Variants in SF1 observed in about 807,000 individuals in gnomAD.
SF1 encodes branch point-binding protein.
In SF1, 7 loss-of-function variants were observed where a neutral mutation model predicts 62.5. The observed-to-expected ratio is 0.11, with a 90% CI of 0.06 to 0.21. The LOEUF (loss-of-function observed/expected upper bound fraction) is 0.21. Ranked by LOEUF, SF1 falls within the 10% of genes least tolerant of loss-of-function variation. The probability of loss-of-function intolerance (pLI) is 1.00; values close to 1 mark genes in which losing one functional copy is unlikely to be tolerated. For synonymous variants in SF1, 394 were observed against 323.6 expected, an observed-to-expected ratio of 1.22 and a Z score of -2.33; for missense variants, 578 against 884.0, an observed-to-expected ratio of 0.65 and a Z score of 4.39.
Position 64,765,278 on chromosome 11 carries a change from C to T in SF1, c.*540G>A, listed in dbSNP as rs1040587056. On this transcript the variant is annotated 3_prime_UTR_variant, in exon 13 of 13. Transcript: ENST00000377390. ...AGACCGGGGAGAGCATCTCCTTGGA[C>T]GGAGTCTGAAGAAAGGAAAAGATAA... 1.5e-5 allele frequency: 9 copies of T among 581,828 alleles called. No individual in the cohort carries two copies. Among genetic ancestry groups the T allele is most frequent in the South Asian group, 4.6e-5 (2 of 43,258 alleles). The allele number at this position is 581,828 out of a possible 1,614,324, so 36.0% of individuals were successfully genotyped here.
chr11:64,767,701 C>T lies in SF1; in HGVS notation c.1212G>A (p.Leu404=). 1.2e-6 allele frequency: 2 copies of T among 1,611,690 alleles called. No homozygotes were observed. The highest frequency in any genetic ancestry group is 1.7e-6 in the Non-Finnish European group (2 of 1,178,866). Reference sequence around the variant, plus strand: ...TGGGATGTCCACCATGCCCACCTGTCAGGCTGGGTAATGGGTGTGGGAAGC... The same window carrying T: ...TGGGATGTCCACCATGCCCACCTGTTAGGCTGGGTAATGGGTGTGGGAAGC... ...PHSFPHPLPS[L]TGGHGGHPMQ... Residue 404 remains leucine, a synonymous_variant, in exon 10 of 13, where the codon CTG becomes CTA. Coordinates refer to ENST00000377390, the MANE Select transcript of SF1 (RefSeq NM_004630.4).
In SF1 at chr11:64,768,127, G is replaced by T; in HGVS notation, c.1047C>A (p.Pro349=). The change falls in exon 9 of 13, where the codon CCC becomes CCA. Residue 349 remains proline (P), a synonymous_variant. Coordinates refer to ENST00000377390, the MANE Select transcript of SF1 (RefSeq NM_004630.4). ...PLASAPRPAA[P]ANNPPPPSLM... is the part of the protein sequence containing the mutation. Reference sequence around the variant, plus strand: ...TCACCGGTGGAGGTGGGTTGTTGGCGGGAGCAGCAGGACGAGGTGCGCTGG... The same window carrying T: ...TCACCGGTGGAGGTGGGTTGTTGGCTGGAGCAGCAGGACGAGGTGCGCTGG... The T allele has an allele frequency of 1.9e-6, 3 of 1,611,750 alleles. No individual in the cohort carries two copies. The highest frequency in any genetic ancestry group is 2.5e-6 in the Non-Finnish European group (3 of 1,178,810).
At chr11:64,768,040 A>G in intron 9 of SF1, 66 bp downstream of exon 9, 1 of 1,532,486 alleles carries the variant, frequency 6.5e-7, no homozygotes, top group Non-Finnish European at 8.8e-7. Flanking sequence ...CCACGTGGCC[A>G]TAGCTCCCAG....
chr11:64,773,601 C>T (rs1364881265), intron 2 of SF1, 96 bp from the exon 3 acceptor site: 11 of 1,405,416 alleles, frequency 7.8e-6, no homozygotes, highest in South Asian at 2.7e-5. Context: ...ATGAAGAACT[C>T]GGAGACTTTG....
chr11:64,778,439 G>A lies in SF1; in HGVS notation c.-47C>T, dbSNP rs1939776922. Reference sequence around the variant, plus strand: ...CGGCACCTGCTTTTCCTCTGCGGCGGCTTCTCCTTCGCAAGCCTCCCGGGG... The same window carrying A: ...CGGCACCTGCTTTTCCTCTGCGGCGACTTCTCCTTCGCAAGCCTCCCGGGG... On this transcript the variant is annotated 5_prime_UTR_variant, in exon 1 of 13. Transcript: ENST00000377390. 3 of 1,219,598 alleles carry A rather than the reference G, an allele frequency of 2.5e-6. No individual in the cohort carries two copies. Among genetic ancestry groups the A allele is most frequent in the African/African-American group, 1.6e-5 (1 of 63,630 alleles). The allele number at this position is 1,219,598 out of a possible 1,614,324, so 75.5% of individuals were successfully genotyped here. A position where few individuals can be genotyped will look rare whatever the true frequency, so the allele number is the denominator to read the frequency against.
chr11:64,778,465 G>T lies in SF1; in HGVS notation c.-73C>A. ...CTTCTCCTTCGCAAGCCTCCCGGGG[G>T]GAGGGGACCCGAATGCGCTGCCGGA... On this transcript the variant is annotated 5_prime_UTR_variant, in exon 1 of 13. Transcript: ENST00000377390. 1 of 1,211,304 alleles carries T rather than the reference G, an allele frequency of 8.3e-7. No individual in the cohort carries two copies. Among genetic ancestry groups the T allele is most frequent in the East Asian group, 3.3e-5 (1 of 30,068 alleles). The allele number at this position is 1,211,304 out of a possible 1,614,324, so 75.0% of individuals were successfully genotyped here. A position where few individuals can be genotyped will look rare whatever the true frequency, so the allele number is the denominator to read the frequency against.
intron 3 of SF1, among the ~76,000 whole-genome samples, chr11:64,770,800 C>T (rs1938196046): frequency 6.6e-6 from 1 of 152,084 alleles, no homozygotes; most frequent in Non-Finnish European, 1.5e-5. Flanking sequence ...CCACAGAAAC[C>T]CCAAGTTTAG....
intron 3 of SF1, chr11:64,772,204 A>C (rs1938431778): frequency 1.0e-6 from 1 of 985,312 alleles, no homozygotes. Flanking sequence ...GAAGCAAAGA[A>C]GGTTTGTTAA....
chr11:64,773,939 A>G (rs1938719319), intron 2 of SF1, among the ~76,000 whole-genome samples: 1 of 152,244 alleles, frequency 6.6e-6, no homozygotes, highest in Non-Finnish European at 1.5e-5. Flanking sequence ...TTAAATGTTA[A>G]ACATAGCCCA....
Position 64,767,811 on chromosome 11 carries a change from A to T in SF1, c.1102T>A (p.Trp368Arg), listed in dbSNP as rs1164869415. Residue 368 changes from tryptophan (W) to arginine (R), a missense_variant, in exon 10 of 13, where the codon TGG becomes AGG. This residue lies in a region of SF1 where 410 missense variants were observed against 452.4 expected (regional missense o/e 0.91). Transcript: ENST00000377390. The stretch of plus-strand genomic sequence containing the variant: ...CTCTCTGAAGGGCCAGAATTCATCC[A>T]GGGTGGGCGGCTCTGGGTGGTAGAC... ...LMSTTQSRPP[W>R]MNSGPSESRP... 6.2e-7 allele frequency: 1 copy of T among 1,613,576 alleles called. No homozygotes were observed. The highest frequency in any genetic ancestry group is 1.7e-5 in the Admixed American group (1 of 59,908).
At chr11:64,772,458 T>C (rs1370034734) in intron 3 of SF1, 1 of 985,340 alleles carries the variant, frequency 1.0e-6, no homozygotes, top group South Asian at 4.7e-5. Flanking sequence ...AAGTTAATGT[T>C]TCCTGGCAAA....
At chr11:64,775,890 A>G (rs1402203758) in intron 2 of SF1, among the ~76,000 whole-genome samples, 1 of 152,216 alleles carries the variant, frequency 6.6e-6, no homozygotes, top group Non-Finnish European at 1.5e-5. Flanking sequence ...AGAGTTCTTT[A>G]AAAGTAAATA....
At position 64,766,971 on chromosome 11, in the gene SF1, T is replaced by C; in HGVS notation, c.1511A>G (p.Gln504Arg). 1 of 1,508,164 alleles carries C rather than the reference T, an allele frequency of 6.6e-7. No individual in the cohort carries two copies. Among genetic ancestry groups the C allele is most frequent in the Non-Finnish European group, 8.9e-7 (1 of 1,128,738 alleles). 93.4% of individuals were successfully genotyped at this position (1,508,164 alleles called of 1,614,324 possible). A position where few individuals can be genotyped will look rare whatever the true frequency, so the allele number is the denominator to read the frequency against. ...CGGAGGGGGTGGCGGAGGCTGCTGC[T>C]GCTGTTGTTGCCATGGGGGAAGAGG... Reference protein sequence around the residue: ...SGPLPPWQQQQQQPPPPPPPS... With the variant: ...SGPLPPWQQQRQQPPPPPPPS... Residue 504 changes from glutamine (Q) to arginine (R), a missense_variant, in exon 12 of 13, where the codon CAG (glutamine) becomes CGG (arginine). Gln to Arg is a conservative substitution (Grantham distance 43, BLOSUM62 1). This residue lies in a region of SF1 where 410 missense variants were observed against 452.4 expected (regional missense o/e 0.91). Transcript: ENST00000377390.
intron 2 of SF1, 81 bp downstream of exon 2, chr11:64,776,417 A>G: frequency 1.4e-6 from 2 of 1,466,222 alleles, no homozygotes; most frequent in South Asian, 1.2e-5. Context: ...CTACAATCTC[A>G]AACTTTCAAA....
In SF1 at chr11:64,767,976, G is replaced by C. The variant is rs949095360; in HGVS notation, c.1068+130C>G. 4.1e-6 allele frequency: 6 copies of C among 1,447,420 alleles called. No individual in the cohort carries two copies. The East Asian group carries it at 9.3e-5, about 23-fold the overall frequency. The allele number at this position is 1,447,420 out of a possible 1,614,324, so 89.7% of individuals were successfully genotyped here. On this transcript the variant is annotated intron_variant, in intron 9 of 12. Coordinates refer to ENST00000377390, the MANE Select transcript of SF1 (RefSeq NM_004630.4). ...AAGTGAGAAGTCCCCAAACTGGCCT[G>C]AGATCCCGGAAGAACAATGTTGCCA...
In SF1 at chr11:64,766,081, C is replaced by T; in HGVS notation, c.1657G>A (p.Ala553Thr). Residue 553 changes from alanine to threonine, a missense_variant, in exon 13 of 13, where the codon GCT (alanine) becomes ACT (threonine). Transcript: ENST00000377390. ...PWQQQQAAAA[A>T]SPGAPQMQGN... Reference sequence around the variant, plus strand: ...TGCATCTGAGGGGCTCCTGGAGAAGCTGCGGCAGCCGCCTGCTGCTGTTGC... The same window carrying T: ...TGCATCTGAGGGGCTCCTGGAGAAGTTGCGGCAGCCGCCTGCTGCTGTTGC... The T allele has an allele frequency of 6.2e-7, 1 of 1,611,146 alleles. No homozygotes were observed. The highest frequency in any genetic ancestry group is 8.5e-7 in the Non-Finnish European group (1 of 1,179,660).
At chr11:64,778,039 T>TGGC (rs1372079564) in intron 1 of SF1, 1 of 1,005,022 alleles carries the variant, frequency 1.0e-6, no homozygotes, top group Admixed American at 6.0e-5. Flanking sequence ...GCGGCTGGGG[T>TGGC]GGCGGCGGCT....
Position 64,766,924 on chromosome 11 carries a change from T to A in SF1, c.1558A>T (p.Ser520Cys). The change falls in exon 12 of 13, where the codon AGT (serine) becomes TGT (cysteine). Residue 520 changes from serine (S) to cysteine (C), a missense_variant. By Grantham distance (112) the Ser-to-Cys change is moderately radical. This residue lies in a region of SF1 where 410 missense variants were observed against 452.4 expected (regional missense o/e 0.91). Transcript: ENST00000377390. ...CTTTGCTGCCATGGCAAGGGGGTACTGGAAGCCATACTGCTGCTGGGCGGA... is the reference window on the plus strand; with the variant it reads ...CTTTGCTGCCATGGCAAGGGGGTACAGGAAGCCATACTGCTGCTGGGCGGA... Reference protein sequence around the residue: ...PPPPSSSMASSTPLPWQQNTT... With the variant: ...PPPPSSSMASCTPLPWQQNTT... 5.6e-6 allele frequency: 7 copies of A among 1,254,514 alleles called. No individual in the cohort carries two copies. The highest frequency in any genetic ancestry group is 7.2e-6 in the Non-Finnish European group (7 of 975,312). The allele number at this position is 1,254,514 out of a possible 1,614,324, so 77.7% of individuals were successfully genotyped here.
chr11:64,771,573 G>A, intron 3 of SF1: 3 of 985,268 alleles, frequency 3.0e-6, no homozygotes, highest in East Asian at 1.1e-4. Context: ...TTACACACAC[G>A]ATGGAATAAA....
Sources: allele counts gnomAD v4.1 joint callset (sites outside exome capture counted in the v4.1 genomes callset), GRCh38; gene constraint gnomAD v4.1.1; regional missense constraint gnomAD v4.1.1; transcripts MANE v1.5; gene names NCBI Gene and HGNC (gene_info 2026-07-23, HGNC 2026-07-21).